C8orf34: variants seen among roughly 807,000 people sequenced by gnomAD.
C8orf34 encodes the protein chromosome 8 open reading frame 34.
A neutral mutation model predicts 68.3 loss-of-function variants in C8orf34; 65 were observed. The observed-to-expected ratio is 0.95, with a 90% confidence interval of 0.78 to 1.17. C8orf34 has a LOEUF of 1.17. C8orf34 is among the 50% of genes most tolerant of loss of function. C8orf34 has a pLI of 0.00. For synonymous variants in C8orf34, 244 were observed against 241.2 expected, an observed-to-expected ratio of 1.01 and a Z score of -0.11; for missense variants, 664 against 655.4, an observed-to-expected ratio of 1.01 and a Z score of -0.14.
At chr8:68,463,506 C>G (rs553078375) in intron 3 of C8orf34, among the ~76,000 whole-genome samples, 65 of 152,200 alleles carry the variant, frequency 4.3e-4, no homozygotes, top group African/African-American at 1.5e-3. Flanking sequence ...AATTTTAGAC[C>G]AATATCCTTG....
rs546734834 is a variant in C8orf34 at position 68,556,197 on chromosome 8, G to C, written c.1105+23048G>C. ...AAGTATATAAATTTCATTAGCTATA[G>C]ATATATAAATATTTATATTTATCTC... On this transcript the variant is annotated intron_variant, in intron 7 of 13. Coordinates refer to ENST00000518698, the MANE Select transcript of C8orf34 (RefSeq NM_052958.4). Among the ~76,000 whole-genome samples the C allele has an allele frequency of 4.2e-4, 62 of 149,298 alleles. No homozygotes were observed. The South Asian group carries it at 0.012, about 30-fold the overall frequency.
intron 1 of C8orf34, among the ~76,000 whole-genome samples, chr8:68,346,799 A>G (rs766757315): frequency 5.9e-5 from 9 of 151,964 alleles, no homozygotes; most frequent in Non-Finnish European, 1.0e-4. Flanking sequence ...TTAGTTTTGA[A>G]TAATATTTCA....
rs568622242 is a variant in C8orf34, at chr8:68,459,973, G to A, written c.608-8719G>A. The stretch of plus-strand genomic sequence containing the variant: ...GGGTGCAGTGCACTATGCGCGAGCC[G>A]AAGCAGGACAAGGCATTGCCTCACT... On this transcript the variant is annotated intron_variant, in intron 3 of 13. Coordinates refer to ENST00000518698, the MANE Select transcript of C8orf34 (RefSeq NM_052958.4). Among the ~76,000 whole-genome samples the A allele has an allele frequency of 9.2e-5, 14 of 152,266 alleles. No homozygotes were observed. The East Asian group carries it at 1.6e-3, about 17-fold the overall frequency.
chr8:68,451,888 C>A (rs964993884), intron 3 of C8orf34, among the ~76,000 whole-genome samples: 1 of 151,928 alleles, frequency 6.6e-6, no homozygotes, highest in South Asian at 2.1e-4. Context: ...AAAAAAACAA[C>A]AAAAAAATTA....
chr8:68,350,939 G>A (rs1369423747), intron 1 of C8orf34, among the ~76,000 whole-genome samples: 2 of 151,882 alleles, frequency 1.3e-5, no homozygotes, highest in Non-Finnish European at 2.9e-5. Flanking sequence ...CTTTTAAGTG[G>A]GACATATAGT....
Position 68,618,199 on chromosome 8 carries a change from T to G in C8orf34, c.1106-22177T>G, listed in dbSNP as rs549899682. Among the ~76,000 whole-genome samples the G allele has an allele frequency of 3.3e-3, 497 of 152,290 alleles. 5 individuals are homozygous for G. Among genetic ancestry groups the G allele is most frequent in the African/African-American group, 0.012 (488 of 41,564 alleles). Reference sequence around the variant, plus strand: ...TTTCTTAGTAAAATTGCAAAAGTAATGATAAAAGTTATGCCACTGACATAA... The same window carrying G: ...TTTCTTAGTAAAATTGCAAAAGTAAGGATAAAAGTTATGCCACTGACATAA... On this transcript the variant is annotated intron_variant, in intron 7 of 13. Coordinates refer to ENST00000518698, the MANE Select transcript of C8orf34 (RefSeq NM_052958.4).
chr8:68,766,277 T>C (rs1457103001), intron 10 of C8orf34, among the ~76,000 whole-genome samples: 2 of 152,220 alleles, frequency 1.3e-5, no homozygotes. Context: ...TTGGTCACCT[T>C]AGCCGTTTAG....
intron 4 of C8orf34, among the ~76,000 whole-genome samples, chr8:68,480,812 A>T (rs761409492): frequency 9.2e-5 from 14 of 152,210 alleles, no homozygotes; most frequent in African/African-American, 3.1e-4. Flanking sequence ...CAAAGCATTC[A>T]AGAGGTGACT....
At chr8:68,743,241 A>T (rs1822356747) in intron 10 of C8orf34, among the ~76,000 whole-genome samples, 1 of 152,212 alleles carries the variant, frequency 6.6e-6, no homozygotes. Flanking sequence ...ATGGACTTAG[A>T]GTAGCAATGG....
Position 68,818,750 on chromosome 8 carries a change from G to C in C8orf34, c.*504G>C, listed in dbSNP as rs1193165563. The C allele has an allele frequency of 1.3e-5, 2 of 152,398 alleles. No individual in the cohort carries two copies. Among genetic ancestry groups the C allele is most frequent in the Non-Finnish European group, 2.9e-5 (2 of 68,260 alleles). The allele number at this position is 152,398 out of a possible 1,614,324, so 9.4% of individuals were successfully genotyped here. On this transcript the variant is annotated 3_prime_UTR_variant, in exon 14 of 14. Transcript: ENST00000518698. Reference sequence around the variant, plus strand: ...CCTGCCATACATGTTGTGTGCAGCAGTGAGAAGTATATTCTCTACCACTGC... The same window carrying C: ...CCTGCCATACATGTTGTGTGCAGCACTGAGAAGTATATTCTCTACCACTGC...
rs569100432 is a variant in C8orf34, at chr8:68,677,475, C to G, written c.1242-31519C>G. On this transcript the variant is annotated intron_variant, in intron 8 of 13. Transcript: ENST00000518698. ...CCAAACTCAAACAATCCTCCCACCT[C>G]AGCTTTCCAAGTAACTGAGACTACA... Among the ~76,000 whole-genome samples, 3 of 152,252 alleles carry G rather than the reference C, an allele frequency of 2.0e-5. No individual in the cohort carries two copies. In the South Asian group the frequency reaches 6.2e-4, roughly 32 times the overall value.
At chr8:68,647,482 A>G (rs891441969) in intron 8 of C8orf34, among the ~76,000 whole-genome samples, 1 of 152,198 alleles carries the variant, frequency 6.6e-6, no homozygotes, top group Non-Finnish European at 1.5e-5. Flanking sequence ...TGCCAAAGAA[A>G]TATCTGCAAA....
chr8:68,657,046 T>C (rs1327279540), intron 8 of C8orf34, among the ~76,000 whole-genome samples: 1 of 152,148 alleles, frequency 6.6e-6, no homozygotes, highest in African/African-American at 2.4e-5. Flanking sequence ...CCTAGGTAAA[T>C]TGAGCTTCTC....
At chr8:68,353,636 A>ATATT (rs1246064263) in intron 1 of C8orf34, among the ~76,000 whole-genome samples, 3 of 114,830 alleles carry the variant, frequency 2.6e-5, no homozygotes, top group Non-Finnish European at 3.9e-5. Context: ...TTATATATAT[A>ATATT]TTATATATAT....
At chr8:68,430,164 C>T (rs982334611) in intron 1 of C8orf34, among the ~76,000 whole-genome samples, 1 of 151,920 alleles carries the variant, frequency 6.6e-6, no homozygotes, top group African/African-American at 2.4e-5. Flanking sequence ...TGTAATGAAA[C>T]CTCCATTAAA....
In C8orf34 at chr8:68,488,051, G is replaced by A. The variant is rs778920565; in HGVS notation, c.765G>A (p.Lys255=). ...TTGCAATTTCAGATGAACTCGATAA[G>A]GTAAGTTGAACTATACATCTGGTGA... is the stretch of plus-strand genomic sequence containing the variant. The part of the protein sequence containing the change: ...RSIAISDELD[K]ETVTFNSSLL... Residue 255 remains lysine (K), a splice_region_variant and synonymous_variant, in exon 5 of 14, where the codon AAG becomes AAA. Coordinates refer to ENST00000518698, the MANE Select transcript of C8orf34 (RefSeq NM_052958.4). The A allele has an allele frequency of 3.8e-5, 60 of 1,587,224 alleles. No individual in the cohort carries two copies. Among genetic ancestry groups the A allele is most frequent in the Admixed American group, 1.2e-4 (7 of 56,320 alleles).
intron 4 of C8orf34, among the ~76,000 whole-genome samples, chr8:68,480,870 A>T (rs983569743): frequency 1.3e-5 from 2 of 152,208 alleles, no homozygotes; most frequent in South Asian, 2.1e-4. Context: ...AGTAGAGCAT[A>T]AAAGTTTGGA....
At chr8:68,353,804 A>G (rs1806626948) in intron 1 of C8orf34, among the ~76,000 whole-genome samples, 1 of 151,774 alleles carries the variant, frequency 6.6e-6, no homozygotes, top group Non-Finnish European at 1.5e-5. Context: ...ATATCTATTT[A>G]CAGAGCATTT....
chr8:68,748,312 G>C (rs1288799729), intron 10 of C8orf34, among the ~76,000 whole-genome samples: 1 of 146,242 alleles, frequency 6.8e-6, no homozygotes, highest in Non-Finnish European at 1.5e-5. Flanking sequence ...TCACCATTCA[G>C]GACATAGGCA....
Sources: gnomAD v4.1 joint callset for allele counts (sites outside exome capture counted in the v4.1 genomes callset) on GRCh38, gnomAD v4.1.1 for gene constraint, MANE v1.5 for transcripts, NCBI Gene and HGNC (gene_info 2026-07-23, HGNC 2026-07-21) for gene names.